ZMYM4: variants seen among roughly 807,000 people sequenced by gnomAD.
ZMYM4 encodes zinc finger MYM-type containing 4.
In ZMYM4, 31 loss-of-function variants were observed where a neutral mutation model predicts 183.2. The observed-to-expected ratio is 0.17, with a 90% CI of 0.13 to 0.23. The LOEUF (loss-of-function observed/expected upper bound fraction) is 0.23, where lower values mean the gene tolerates loss of function less well. ZMYM4 is among the 10% of genes least tolerant of loss of function. The pLI is 1.00. For synonymous variants in ZMYM4, 592 were observed against 631.2 expected (o/e 0.94, Z 0.93); for missense variants, 1,273 against 1,840.3 (o/e 0.69, Z 5.64).
intron 26 of ZMYM4, 63 bp downstream of exon 26, chr1:35,408,222 C>T: frequency 1.9e-6 from 3 of 1,578,970 alleles, no homozygotes; most frequent in Non-Finnish European, 2.6e-6. Flanking sequence ...TATGTCCCCA[C>T]AGAAATTACA....
At chr1:35,367,204 A>G (rs1251289556) in intron 5 of ZMYM4, among the ~76,000 whole-genome samples, 2 of 151,930 alleles carry the variant, frequency 1.3e-5, no homozygotes, top group African/African-American at 4.8e-5. Flanking sequence ...ATGGTTGAAC[A>G]TCATACAATT....
chr1:35,280,177 C>A (rs1157351250), intron 1 of ZMYM4, among the ~76,000 whole-genome samples: 1 of 148,034 alleles, frequency 6.8e-6, no homozygotes, highest in Non-Finnish European at 1.5e-5. Context: ...CCTCCCTTCC[C>A]CCCTTCCCTT....
intron 1 of ZMYM4, among the ~76,000 whole-genome samples, chr1:35,323,735 A>G (rs542229882): frequency 3.3e-5 from 5 of 151,904 alleles, no homozygotes; most frequent in South Asian, 4.2e-4. Context: ...TTGTATTTTT[A>G]GTAGAGACGG....
chr1:35,405,863 G>A (rs1394423070), intron 25 of ZMYM4, among the ~76,000 whole-genome samples: 1 of 151,692 alleles, frequency 6.6e-6, no homozygotes, highest in Admixed American at 6.6e-5. Flanking sequence ...AATGTTTGTG[G>A]GTTTCACTTC....
intron 1 of ZMYM4, among the ~76,000 whole-genome samples, chr1:35,302,200 C>CCTTTTTTTTTTTTTTTTTT (rs1641311910): frequency 1.7e-5 from 1 of 58,556 alleles, no homozygotes; most frequent in African/African-American, 6.4e-5. Context: ...ACGGCTCTTG[C>CCTTTTTTTTTTTTTTTTTT]TTTTTTTTTT....
chr1:35,269,365 A>T (rs553816112), intron 1 of ZMYM4, among the ~76,000 whole-genome samples: 44 of 149,984 alleles, frequency 2.9e-4, no homozygotes, highest in Non-Finnish European at 5.3e-4. Context: ...AGGCCCAGGG[A>T]GGGGAGGTGT....
chr1:35,384,917 C>T (rs140585337), intron 9 of ZMYM4, among the ~76,000 whole-genome samples: 3,097 of 147,272 alleles, frequency 0.021, 105 homozygotes, highest in African/African-American at 0.074. Context: ...GATCTCAGCT[C>T]GCTGCAAGCT....
rs1005791830 is a variant in ZMYM4, at chr1:35,352,287, A to G, written c.86-6638A>G. Among the ~76,000 whole-genome samples the G allele has an allele frequency of 3.9e-3, 590 of 151,178 alleles. 11 individuals are homozygous for G. Among genetic ancestry groups the G allele is most frequent in the African/African-American group, 0.013 (515 of 41,092 alleles). On this transcript the variant is annotated intron_variant, in intron 2 of 29. Coordinates refer to ENST00000314607, the MANE Select transcript of ZMYM4 (RefSeq NM_005095.3). ...CGCGCGCGCACACACACACACACAC[A>G]CACACACACACACACACACACAGCC...
chr1:35,350,830 G>A lies in ZMYM4; in HGVS notation c.86-8095G>A, dbSNP rs1031005846. ...TGATTACTATGCTTGGAAACGCTTA[G>A]TGATACAGGATAAAAATAAATACAA... On this transcript the variant is annotated intron_variant, in intron 2 of 29. Coordinates refer to ENST00000314607, the MANE Select transcript of ZMYM4 (RefSeq NM_005095.3). The A allele has an allele frequency of 7.4e-6, 4 of 537,104 alleles. No homozygotes were observed. The African/African-American group carries it at 7.7e-5, about 10-fold the overall frequency. The allele number at this position is 537,104 out of a possible 1,614,324, so 33.3% of individuals were successfully genotyped here. A position where few individuals can be genotyped will look rare whatever the true frequency, so the allele number is the denominator to read the frequency against.
At chr1:35,301,561 A>G (rs1012388345) in intron 1 of ZMYM4, among the ~76,000 whole-genome samples, 2 of 151,070 alleles carry the variant, frequency 1.3e-5, no homozygotes, top group African/African-American at 2.5e-5. Context: ...AAAAAAAAAA[A>G]AGTCTTGTCT....
chr1:35,326,252 A>G (rs1240351485), intron 2 of ZMYM4, among the ~76,000 whole-genome samples: 1 of 152,224 alleles, frequency 6.6e-6, no homozygotes, highest in Non-Finnish European at 1.5e-5. Flanking sequence ...TAAAGATCTG[A>G]AACACTTCTA....
chr1:35,382,262 A>G (rs1644479540), intron 9 of ZMYM4, among the ~76,000 whole-genome samples: 1 of 150,790 alleles, frequency 6.6e-6, no homozygotes, highest in Non-Finnish European at 1.5e-5. Flanking sequence ...GTAAATATGT[A>G]TGTGTATATA....
intron 1 of ZMYM4, among the ~76,000 whole-genome samples, chr1:35,301,969 A>G (rs959929929): frequency 9.2e-5 from 14 of 152,166 alleles, no homozygotes; most frequent in African/African-American, 3.4e-4. Context: ...CTGTTCTCCA[A>G]TGCCTGAAAA....
chr1:35,290,783 A>G lies in ZMYM4; in HGVS notation c.39+21698A>G, dbSNP rs536312460. Among the ~76,000 whole-genome samples, 11 of 152,322 alleles carry G rather than the reference A, an allele frequency of 7.2e-5. No individual in the cohort carries two copies. The South Asian group carries it at 2.1e-3, about 29-fold the overall frequency. On this transcript the variant is annotated intron_variant, in intron 1 of 29. Transcript: ENST00000314607. The stretch of plus-strand genomic sequence containing the variant: ...TGGTAATGATTGTACTGCTCTGAAT[A>G]TACTAAGCACAATTGAATTGTGCAA...
At chr1:35,282,853 G>T (rs944656553) in intron 1 of ZMYM4, among the ~76,000 whole-genome samples, 1 of 151,988 alleles carries the variant, frequency 6.6e-6, no homozygotes, top group South Asian at 2.1e-4. Flanking sequence ...ACCATGCCCA[G>T]CCTGTGTTTA....
intron 2 of ZMYM4, among the ~76,000 whole-genome samples, chr1:35,354,849 A>G (rs1356168992): frequency 6.7e-6 from 1 of 150,220 alleles, no homozygotes; most frequent in Non-Finnish European, 1.5e-5. Context: ...TTGCATTCCT[A>G]CCAGCAGTAT....
At chr1:35,313,604 G>A (rs1448497496) in intron 1 of ZMYM4, among the ~76,000 whole-genome samples, 3 of 151,404 alleles carry the variant, frequency 2.0e-5, no homozygotes, top group African/African-American at 7.3e-5. Flanking sequence ...GCCCAGGTTG[G>A]TCTCGAACTC....
intron 2 of ZMYM4, among the ~76,000 whole-genome samples, chr1:35,345,268 G>C (rs1643349895): frequency 6.6e-6 from 1 of 152,162 alleles, no homozygotes; most frequent in Admixed American, 6.5e-5. Context: ...AAGCTAAACT[G>C]TCATTTATTT....
intron 1 of ZMYM4, among the ~76,000 whole-genome samples, chr1:35,290,435 C>T (rs1570265831): frequency 6.6e-6 from 1 of 152,172 alleles, no homozygotes; most frequent in East Asian, 1.9e-4. Flanking sequence ...TATTTACTTA[C>T]TTAGTTTTTA....
Sources: gnomAD v4.1 joint callset for allele counts (sites outside exome capture counted in the v4.1 genomes callset) on GRCh38, gnomAD v4.1.1 for gene constraint, MANE v1.5 for transcripts, NCBI Gene and HGNC (gene_info 2026-07-23, HGNC 2026-07-21) for gene names.